Variants in DNAH14 observed in about 807,000 individuals in gnomAD.
DNAH14 encodes the protein axonemal beta dynein heavy chain 14.
DNAH14 carries 478 observed loss-of-function variants against 520.9 expected under a neutral mutation model. The observed-to-expected ratio is 0.92, with a 90% CI of 0.85 to 0.99. The LOEUF (loss-of-function observed/expected upper bound fraction) is 0.99, where lower values mean the gene tolerates loss of function less well. DNAH14 is among the 50% of genes least tolerant of loss of function. The pLI, the probability that DNAH14 is intolerant of heterozygous loss-of-function variation, is 0.00. For missense variants in DNAH14, 4,831 were observed against 5,234.5 expected, an observed-to-expected ratio of 0.92 and a Z score of 2.38; for synonymous variants, 1,581 against 1,757.2, an observed-to-expected ratio of 0.90 and a Z score of 2.51.
At chr1:224,950,694 C>A (rs1305084301) in intron 1 of DNAH14, among the ~76,000 whole-genome samples, 1 of 152,164 alleles carries the variant, frequency 6.6e-6, no homozygotes, top group African/African-American at 2.4e-5. Flanking sequence ...CAAATGATGG[C>A]CTATCGGCCA....
intron 54 of DNAH14, among the ~76,000 whole-genome samples, chr1:225,281,528 T>C (rs938015628): frequency 5.3e-5 from 8 of 152,184 alleles, no homozygotes; most frequent in Non-Finnish European, 1.2e-4. Context: ...GAGATCATAA[T>C]GGGGACATAT....
chr1:225,172,469 A>G (rs1285368663), intron 36 of DNAH14, among the ~76,000 whole-genome samples: 9 of 152,170 alleles, frequency 5.9e-5, no homozygotes, highest in Admixed American at 5.9e-4. Context: ...TACACCAATA[A>G]CAGACAAACA....
At chr1:225,038,936 C>G (rs1221690340) in intron 12 of DNAH14, 113 bp downstream of exon 12, 2 of 891,294 alleles carry the variant, frequency 2.2e-6, no homozygotes, top group Non-Finnish European at 3.3e-6. Flanking sequence ...CCCAACATAC[C>G]CTCGCCAACA....
intron 55 of DNAH14, among the ~76,000 whole-genome samples, chr1:225,296,323 G>C (rs2094004878): frequency 1.3e-5 from 2 of 152,150 alleles, no homozygotes; most frequent in South Asian, 4.1e-4. Context: ...GCCTCCCAAA[G>C]TGCTGAGATT....
chr1:225,366,152 G>A (rs1249875312), intron 76 of DNAH14, among the ~76,000 whole-genome samples: 1 of 152,118 alleles, frequency 6.6e-6, no homozygotes, highest in Non-Finnish European at 1.5e-5. Context: ...AATTGGCTAA[G>A]ACTATAACTA....
intron 59 of DNAH14, 93 bp from the exon 60 acceptor site, chr1:225,308,192 T>C: frequency 7.6e-7 from 1 of 1,314,802 alleles, no homozygotes; most frequent in Non-Finnish European, 1.0e-6. Context: ...TAGTAAACTT[T>C]ACCATAGTGA....
chr1:225,357,854 G>A (rs2095448268), intron 73 of DNAH14: 1 of 701,818 alleles, frequency 1.4e-6, no homozygotes, highest in Admixed American at 2.0e-5. Flanking sequence ...TATGGTCATT[G>A]TGTAGACAAA....
At position 225,046,213 on chromosome 1, in the gene DNAH14, A is replaced by T. The variant is rs576320169; in HGVS notation, c.1912+2230A>T. On this transcript the variant is annotated intron_variant, in intron 15 of 85. Coordinates refer to ENST00000682510, the MANE Select transcript of DNAH14 (RefSeq NM_001367479.1). ...CACCCCATTTCAACTACCCATATAT[A>T]ACAATTATTTTCTTTTGCAATTTAC... Among the ~76,000 whole-genome samples, 252 of 152,016 alleles carry T rather than the reference A, an allele frequency of 1.7e-3. 2 individuals are homozygous for T. Among genetic ancestry groups the T allele is most frequent in the African/African-American group, 5.8e-3 (242 of 41,522 alleles).
At position 225,252,320 on chromosome 1, in the gene DNAH14, T is replaced by C. The variant is rs1272462914; in HGVS notation, c.6768T>C (p.Gly2256=). The change falls in exon 44 of 86, where the codon GGT becomes GGC. Residue 2256 remains glycine, a synonymous_variant. Transcript: ENST00000682510. Reference sequence around the variant, plus strand: ...TTGTAGGCATCAACCTACCAACTGGTGAATGTTCCATCTTTGGATATTTTG... The same window carrying C: ...TTGTAGGCATCAACCTACCAACTGGCGAATGTTCCATCTTTGGATATTTTG... The part of the protein sequence containing the change: ...SSQVGINLPT[G]ECSIFGYFVD... 5 of 1,549,014 alleles carry C rather than the reference T, an allele frequency of 3.2e-6. No individual in the cohort carries two copies. The African/African-American group carries it at 4.1e-5, about 13-fold the overall frequency.
At chr1:225,142,890 C>T (rs976844306) in intron 28 of DNAH14, among the ~76,000 whole-genome samples, 1 of 152,178 alleles carries the variant, frequency 6.6e-6, no homozygotes, top group African/African-American at 2.4e-5. Flanking sequence ...TGTGCCACTG[C>T]ACTCCAGCCT....
Position 225,337,328 on chromosome 1 carries a change from G to C in DNAH14, c.10143G>C (p.Leu3381Phe). ...AGTATTCAGTAGAGAATGCCATCTTGATCAAGAATGGCCAGCAGTGGCCAC... is the reference window on the plus strand; with the variant it reads ...AGTATTCAGTAGAGAATGCCATCTTCATCAAGAATGGCCAGCAGTGGCCAC... ...HGQYSVENAI[L>F]IKNGQQWPLL... Residue 3381 changes from leucine (L) to phenylalanine (F), a missense_variant, in exon 67 of 86, where the codon TTG becomes TTC. Coordinates refer to ENST00000682510, the MANE Select transcript of DNAH14 (RefSeq NM_001367479.1). 1 of 1,551,806 alleles carries C rather than the reference G, an allele frequency of 6.4e-7. No homozygotes were observed.
chr1:225,364,024 C>T (rs1416166681), intron 75 of DNAH14, among the ~76,000 whole-genome samples: 2 of 152,140 alleles, frequency 1.3e-5, no homozygotes, highest in East Asian at 3.9e-4. Context: ...TGTAAAGTGT[C>T]CCTCAATTGG....
chr1:225,351,773 T>C lies in DNAH14; in HGVS notation c.11423T>C (p.Val3808Ala). The C allele has an allele frequency of 1.3e-6, 2 of 1,551,328 alleles. No individual in the cohort carries two copies. Among genetic ancestry groups the C allele is most frequent in the Non-Finnish European group, 1.7e-6 (2 of 1,146,750 alleles). ...SLLCKSLLSN[V>A]SQWDTFKNSK... ...CTGTGCAAATCCCTTTTATCAAACG[T>C]ATCACAATGGGATACTTTTAAGAAC... The change falls in exon 72 of 86, where the codon GTA (valine) becomes GCA (alanine). Residue 3808 changes from valine to alanine, a missense_variant. Transcript: ENST00000682510.
chr1:225,053,498 C>T lies in DNAH14; in HGVS notation c.2424+1703C>T, dbSNP rs115906048. On this transcript the variant is annotated intron_variant, in intron 17 of 85. Coordinates refer to ENST00000682510, the MANE Select transcript of DNAH14 (RefSeq NM_001367479.1). Reference sequence around the variant, plus strand: ...GATGTAATTTGCATTTTTGTGTGGACCCTCTGGCTGCAGTGTGAAGAATAG... The same window carrying T: ...GATGTAATTTGCATTTTTGTGTGGATCCTCTGGCTGCAGTGTGAAGAATAG... 3.4e-3 allele frequency among the ~76,000 whole-genome samples: 512 copies of T among 152,134 alleles called. 2 individuals are homozygous for T. The highest frequency in any genetic ancestry group is 0.011 in the African/African-American group (470 of 41,514).
At position 225,346,290 on chromosome 1, in the gene DNAH14, T is replaced by A. The variant is rs2095285207; in HGVS notation, c.11007T>A (p.Ile3669=). 1 of 1,548,940 alleles carries A rather than the reference T, an allele frequency of 6.5e-7. No individual in the cohort carries two copies. The highest frequency in any genetic ancestry group is 1.2e-5 in the South Asian group (1 of 83,572). The change falls in exon 70 of 86, where the codon ATT becomes ATA. Residue 3669 remains isoleucine (I), a synonymous_variant. Transcript: ENST00000682510. The part of the protein sequence containing the change: ...SPKEVHEFIS[I]SKEPNLENEK... ...AAGAAGTTCATGAGTTTATAAGTAT[T>A]TCAAAAGAACCCAACCTGGAAAATG...
chr1:225,308,892 C>A (rs2094302345), intron 60 of DNAH14, among the ~76,000 whole-genome samples: 1 of 152,240 alleles, frequency 6.6e-6, no homozygotes, highest in African/African-American at 2.4e-5. Context: ...CAACTCTGGT[C>A]TGATCAGTAG....
intron 43 of DNAH14, among the ~76,000 whole-genome samples, chr1:225,246,665 A>C (rs2092299859): frequency 6.6e-6 from 1 of 152,234 alleles, no homozygotes; most frequent in Non-Finnish European, 1.5e-5. Flanking sequence ...AATACAAATC[A>C]AAACCACAAT....
intron 52 of DNAH14, 115 bp downstream of exon 52, chr1:225,273,240 G>A: frequency 8.8e-7 from 1 of 1,138,362 alleles, no homozygotes; most frequent in Non-Finnish European, 1.2e-6. Flanking sequence ...AGACCATCCT[G>A]GCTAACACGT....
chr1:224,967,392 A>C, intron 5 of DNAH14, 39 bp from the exon 6 acceptor site: 1 of 1,440,434 alleles, frequency 6.9e-7, no homozygotes, highest in South Asian at 1.5e-5. Flanking sequence ...ATTTAGTCAA[A>C]TTAATTAAAT....
Sources: gnomAD v4.1 joint callset for allele counts (sites outside exome capture counted in the v4.1 genomes callset) on GRCh38, gnomAD v4.1.1 for gene constraint, MANE v1.5 for transcripts, NCBI Gene and HGNC (gene_info 2026-07-23, HGNC 2026-07-21) for gene names.